The following IGSF10 variants were observed in gnomAD, a reference collection of about 807,000 sequenced individuals.
The protein encoded by IGSF10 is immunoglobulin superfamily member 10, also known as calvaria mechanical force protein 608.
A neutral mutation model predicts 128.2 loss-of-function variants in IGSF10; 126 were observed. That is an observed-to-expected ratio of 0.98 (90% CI 0.85 to 1.14). IGSF10 has a LOEUF of 1.14. IGSF10 is among the 50% of genes most tolerant of loss of function. The pLI, the probability that IGSF10 is intolerant of heterozygous loss-of-function variation, is 0.00. For missense variants in IGSF10, 3,295 were observed against 3,149.8 expected (o/e 1.05, Z -1.10); for synonymous variants, 1,185 against 1,146.2 (o/e 1.03, Z -0.68).
At chr3:151,529,678 C>T in the IGSF10 span, among the ~76,000 whole-genome samples, 1 of 152,106 alleles carries the variant, frequency 6.6e-6, no homozygotes, top group Non-Finnish European at 1.5e-5. Flanking sequence ...ATAAAAAGGA[C>T]GTCCACTCAG....
chr3:151,492,773 A>G, the IGSF10 span, among the ~76,000 whole-genome samples: 2 of 129,212 alleles, frequency 1.5e-5, no homozygotes, highest in African/African-American at 5.5e-5. Flanking sequence ...ATCATATGAC[A>G]CAGCAATCTT....
the IGSF10 span, among the ~76,000 whole-genome samples, chr3:151,589,329 G>T: frequency 6.6e-6 from 1 of 152,290 alleles, no homozygotes; most frequent in South Asian, 2.1e-4. Flanking sequence ...TCTGAGAGCG[G>T]CAATGAAGTT....
chr3:151,568,669 G>A, the IGSF10 span, among the ~76,000 whole-genome samples: 1 of 152,054 alleles, frequency 6.6e-6, no homozygotes, highest in East Asian at 1.9e-4. Context: ...TTTAGTTTTA[G>A]TATAGCAACA....
chr3:151,556,748 A>G, the IGSF10 span, among the ~76,000 whole-genome samples: 2 of 152,136 alleles, frequency 1.3e-5, no homozygotes, highest in Non-Finnish European at 2.9e-5. Flanking sequence ...CAGATTAAAG[A>G]TGTAGAGAAG....
the IGSF10 span, among the ~76,000 whole-genome samples, chr3:151,602,923 C>T: frequency 3.9e-3 from 596 of 152,336 alleles, 5 homozygotes; most frequent in African/African-American, 0.013. Flanking sequence ...TTCTTAGGTG[C>T]TCAGGTAAAG....
chr3:151,613,777 T>C, the IGSF10 span, among the ~76,000 whole-genome samples: 10 of 152,196 alleles, frequency 6.6e-5, no homozygotes, highest in Admixed American at 2.6e-4. Flanking sequence ...AAGGACTTCA[T>C]GTCTAAAACA....
the IGSF10 span, among the ~76,000 whole-genome samples, chr3:151,526,865 T>C: frequency 6.4e-4 from 98 of 152,300 alleles, 1 homozygote; most frequent in African/African-American, 2.1e-3. Flanking sequence ...TTGGGCAGAA[T>C]GTGTGCACAC....
the IGSF10 span, among the ~76,000 whole-genome samples, chr3:151,542,901 T>C: frequency 6.6e-6 from 1 of 152,216 alleles, no homozygotes; most frequent in Non-Finnish European, 1.5e-5. Flanking sequence ...CCACACAATT[T>C]TAGCTTTTTT....
chr3:151,453,731 T>C lies in IGSF10; in HGVS notation c.368A>G (p.Asp123Gly), dbSNP rs753287862. The change falls in exon 5 of 8, where the codon GAT becomes GGT. Residue 123 changes from aspartate to glycine, a missense_variant. Asp to Gly is a moderately conservative substitution (Grantham distance 94, BLOSUM62 -1). Coordinates refer to ENST00000282466, the MANE Select transcript of IGSF10 (RefSeq NM_178822.5). ...SYNKVRKLQK[D>G]TFYGLRSLTR... ...CAAGCTCCTGAGGCCATAAAAAGTA[T>C]CTTTCTGAAGTTTTCGGACTTTATT... 1 of 1,594,716 alleles carries C rather than the reference T, an allele frequency of 6.3e-7. No homozygotes were observed. Among genetic ancestry groups the C allele is most frequent in the Non-Finnish European group, 8.6e-7 (1 of 1,169,566 alleles).
At chr3:151,552,233 C>T in the IGSF10 span, among the ~76,000 whole-genome samples, 2 of 152,268 alleles carry the variant, frequency 1.3e-5, no homozygotes, top group Admixed American at 1.3e-4. Context: ...TTGTAACTTT[C>T]CTGAGGCCTC....
chr3:151,613,698 G>C, the IGSF10 span, among the ~76,000 whole-genome samples: 1 of 152,288 alleles, frequency 6.6e-6, no homozygotes, highest in South Asian at 2.1e-4. Context: ...AGACTTAAGT[G>C]TTAGACCTAC....
At chr3:151,603,845 TC>T in the IGSF10 span, among the ~76,000 whole-genome samples, 5 of 152,228 alleles carry the variant, frequency 3.3e-5, no homozygotes, top group Admixed American at 2.6e-4. Flanking sequence ...GAAGCTGATG[TC>T]CCAGTTCAAA....
chr3:151,495,144 T>G, the IGSF10 span, among the ~76,000 whole-genome samples: 2 of 152,168 alleles, frequency 1.3e-5, no homozygotes, highest in Non-Finnish European at 2.9e-5. Flanking sequence ...AATACTTACA[T>G]AAACGTGATT....
chr3:151,443,055 T>C lies in IGSF10; in HGVS notation c.5892A>G (p.Ser1964=). ...TTTGGGGTTTGGGCTCCCCAGTGGC[T>C]GAGCAGTTCAGTAGTAATTTGTCCC... The part of the protein sequence containing the change: ...NFGDKLLLNC[S]ATGEPKPQIM... Residue 1964 remains serine, a synonymous_variant, in exon 7 of 8, where the codon TCA becomes TCG. Coordinates refer to ENST00000282466, the MANE Select transcript of IGSF10 (RefSeq NM_178822.5). The C allele has an allele frequency of 6.2e-7, 1 of 1,614,246 alleles. No individual in the cohort carries two copies. The highest frequency in any genetic ancestry group is 8.5e-7 in the Non-Finnish European group (1 of 1,180,040).
the IGSF10 span, among the ~76,000 whole-genome samples, chr3:151,517,756 C>T: frequency 1.0e-3 from 159 of 152,010 alleles, no homozygotes; most frequent in Non-Finnish European, 1.2e-3. Flanking sequence ...AAAGACCAGA[C>T]CAAACCAAAA....
At chr3:151,545,151 A>T in the IGSF10 span, among the ~76,000 whole-genome samples, 2 of 151,956 alleles carry the variant, frequency 1.3e-5, no homozygotes, top group Non-Finnish European at 2.9e-5. Flanking sequence ...AAGTTTTTTT[A>T]TGCTTCTTGC....
At chr3:151,467,064 G>T in the IGSF10 span, among the ~76,000 whole-genome samples, 2 of 152,096 alleles carry the variant, frequency 1.3e-5, no homozygotes, top group African/African-American at 4.8e-5. Flanking sequence ...AAGACTAAAT[G>T]AATCAAAAAT....
At position 151,443,488 on chromosome 3, in the gene IGSF10, C is replaced by T. The variant is rs770724810; in HGVS notation, c.5459G>A (p.Cys1820Tyr). 9 of 1,614,192 alleles carry T rather than the reference C, an allele frequency of 5.6e-6. No homozygotes were observed. Among genetic ancestry groups the T allele is most frequent in the Non-Finnish European group, 8.5e-7 (1 of 1,179,996 alleles). ...LSIYDRGFYK[C>Y]VASNPGGQDS... ...CTGGCCACCTGGGTTGCTGGCCACA[C>T]ATTTGTAAAAGCCACGGTCATAAAT... Residue 1820 changes from cysteine to tyrosine, a missense_variant, in exon 7 of 8, where the codon TGT becomes TAT. Physicochemically the swap from Cys to Tyr is radical, Grantham distance 194. Transcript: ENST00000282466.
At chr3:151,554,206 C>T in the IGSF10 span, among the ~76,000 whole-genome samples, 1 of 151,978 alleles carries the variant, frequency 6.6e-6, no homozygotes, top group East Asian at 1.9e-4. Flanking sequence ...CTTCTTCTTC[C>T]TAGTCAAAAT....
Sources: allele counts gnomAD v4.1 joint callset (sites outside exome capture counted in the v4.1 genomes callset), GRCh38; gene constraint gnomAD v4.1.1; transcripts MANE v1.5; gene names NCBI Gene and HGNC (gene_info 2026-07-23, HGNC 2026-07-21).